Variants in LHFPL3 observed in about 807,000 individuals in gnomAD.
LHFPL3 encodes the protein LHFPL tetraspan subfamily member 3.
LHFPL3 carries 5 observed loss-of-function variants against 19.3 expected under a neutral mutation model. The observed-to-expected ratio is 0.26, with a 90% CI of 0.14 to 0.54. The LOEUF (loss-of-function observed/expected upper bound fraction) is 0.54, where lower values mean the gene tolerates loss of function less well. LHFPL3 is among the 20% of genes least tolerant of loss of function. The pLI, the probability that LHFPL3 is intolerant of heterozygous loss-of-function variation, is 0.94. For missense variants in LHFPL3, 249 were observed against 307.4 expected (o/e 0.81, Z 1.42); for synonymous variants, 133 against 126.2 (o/e 1.05, Z -0.36).
At chr7:104,840,907 G>T (rs1168833579) in intron 2 of LHFPL3, among the ~76,000 whole-genome samples, 1 of 151,578 alleles carries the variant, frequency 6.6e-6, no homozygotes, top group Non-Finnish European at 1.5e-5. Flanking sequence ...CATAAAGGTT[G>T]TCTTTTTTTT....
At chr7:104,473,093 C>CTGT (rs1403421166) in intron 1 of LHFPL3, among the ~76,000 whole-genome samples, 1 of 152,168 alleles carries the variant, frequency 6.6e-6, no homozygotes, top group African/African-American at 2.4e-5. Flanking sequence ...AAATGGAGAA[C>CTGT]TGTTTTCAAA....
chr7:104,568,702 T>C (rs1790169732), intron 1 of LHFPL3, among the ~76,000 whole-genome samples: 1 of 152,190 alleles, frequency 6.6e-6, no homozygotes, highest in South Asian at 2.1e-4. Flanking sequence ...CTGTCAGCTC[T>C]CCTTTCCAGT....
Position 104,856,666 on chromosome 7 carries a change from T to C in LHFPL3, c.683-49521T>C, listed in dbSNP as rs752115092. 4.7e-4 allele frequency among the ~76,000 whole-genome samples: 71 copies of C among 152,368 alleles called. 1 individual carries two copies. Among genetic ancestry groups the C allele is most frequent in the Non-Finnish European group, 9.0e-4 (61 of 68,042 alleles). On this transcript the variant is annotated intron_variant, in intron 2 of 2. Coordinates refer to ENST00000424859, the MANE Select transcript of LHFPL3 (RefSeq NM_199000.3). ...ATTAAATCTAAGGATCCAAAAATTATATTGTACACGTGAGAATCTTTAAAT... is the reference window on the plus strand; with the variant it reads ...ATTAAATCTAAGGATCCAAAAATTACATTGTACACGTGAGAATCTTTAAAT...
chr7:104,628,420 GT>G (rs1791583968), intron 1 of LHFPL3, among the ~76,000 whole-genome samples: 1 of 152,118 alleles, frequency 6.6e-6, no homozygotes, highest in African/African-American at 2.4e-5. Context: ...GGCAAATAAA[GT>G]TGTAGAACTC....
chr7:104,513,991 A>G (rs1392426276), intron 1 of LHFPL3, among the ~76,000 whole-genome samples: 1 of 152,132 alleles, frequency 6.6e-6, no homozygotes, highest in East Asian at 1.9e-4. Flanking sequence ...GGCTGTAGTG[A>G]TGAGGTTAAG....
intron 1 of LHFPL3, among the ~76,000 whole-genome samples, chr7:104,417,887 T>C (rs10239029): frequency 1.2e-3 from 133 of 112,090 alleles, no homozygotes; most frequent in Non-Finnish European, 9.7e-4. Context: ...TCTTCTTCTT[T>C]TTTTTTTTTT....
rs572851060 is a variant in LHFPL3, at chr7:104,338,320, C to T, written c.445+9096C>T. Among the ~76,000 whole-genome samples the T allele has an allele frequency of 4.6e-5, 7 of 152,014 alleles. No individual in the cohort carries two copies. The East Asian group carries it at 1.4e-3, about 29-fold the overall frequency. ...GTCACCGTATTAGCCAGGATGGTCT[C>T]GATCTCCTGACCTCGTGATCTGCCC... On this transcript the variant is annotated intron_variant, in intron 1 of 2. Transcript: ENST00000424859.
At chr7:104,416,698 A>C (rs1791629446) in intron 1 of LHFPL3, among the ~76,000 whole-genome samples, 1 of 152,250 alleles carries the variant, frequency 6.6e-6, no homozygotes, top group Admixed American at 6.5e-5. Flanking sequence ...TATGTTCAAC[A>C]CAATAGGCTT....
intron 2 of LHFPL3, among the ~76,000 whole-genome samples, chr7:104,884,744 G>A (rs1185337330): frequency 6.6e-6 from 1 of 152,208 alleles, no homozygotes; most frequent in Non-Finnish European, 1.5e-5. Context: ...GGTGAAATGT[G>A]TGGGTTGAGT....
At chr7:104,494,492 C>T (rs980165548) in intron 1 of LHFPL3, among the ~76,000 whole-genome samples, 23 of 152,116 alleles carry the variant, frequency 1.5e-4, no homozygotes, top group African/African-American at 5.6e-4. Flanking sequence ...CACATGTTTA[C>T]ATCCTTTCCT....
intron 2 of LHFPL3, among the ~76,000 whole-genome samples, chr7:104,789,807 G>A (rs935277946): frequency 7.2e-5 from 11 of 152,138 alleles, no homozygotes; most frequent in South Asian, 4.1e-4. Flanking sequence ...GGTTGACTTA[G>A]ATGCCCTTCA....
At chr7:104,440,037 G>T (rs571295655) in intron 1 of LHFPL3, among the ~76,000 whole-genome samples, 1 of 140,470 alleles carries the variant, frequency 7.1e-6, no homozygotes, top group African/African-American at 2.8e-5. Flanking sequence ...ACAAAGCCTG[G>T]GGGGGGGGAG....
intron 2 of LHFPL3, among the ~76,000 whole-genome samples, chr7:104,830,475 G>T (rs61640057): frequency 0.42 from 64,379 of 151,504 alleles, 15,573 homozygotes; most frequent in Non-Finnish European, 0.55. Context: ...GGTCTAACAT[G>T]TAAGTCTTTA....
chr7:104,761,615 A>G (rs1286049651), intron 2 of LHFPL3, among the ~76,000 whole-genome samples: 1 of 152,178 alleles, frequency 6.6e-6, no homozygotes, highest in East Asian at 1.9e-4. Flanking sequence ...AAAAATAAAA[A>G]GTAGATTCCT....
chr7:104,627,914 T>G (rs964774745), intron 1 of LHFPL3, among the ~76,000 whole-genome samples: 1 of 152,206 alleles, frequency 6.6e-6, no homozygotes, highest in African/African-American at 2.4e-5. Flanking sequence ...TATTGAAAAA[T>G]CTAACATTCT....
chr7:104,889,967 A>G (rs1792213813), intron 2 of LHFPL3, among the ~76,000 whole-genome samples: 1 of 152,074 alleles, frequency 6.6e-6, no homozygotes, highest in African/African-American at 2.4e-5. Context: ...TTTCCTAGAG[A>G]TCTTTCCTTC....
At chr7:104,341,407 C>G (rs1789949940) in intron 1 of LHFPL3, among the ~76,000 whole-genome samples, 1 of 152,218 alleles carries the variant, frequency 6.6e-6, no homozygotes, top group Non-Finnish European at 1.5e-5. Flanking sequence ...TTTGCTATGA[C>G]TACATCTATG....
chr7:104,440,786 C>G (rs1478860528), intron 1 of LHFPL3, among the ~76,000 whole-genome samples: 1 of 152,140 alleles, frequency 6.6e-6, no homozygotes, highest in Non-Finnish European at 1.5e-5. Flanking sequence ...TTTGCATGTA[C>G]TAATATCTAA....
chr7:104,414,036 A>G (rs1791577455), intron 1 of LHFPL3, among the ~76,000 whole-genome samples: 1 of 152,046 alleles, frequency 6.6e-6, no homozygotes, highest in Admixed American at 6.6e-5. Flanking sequence ...CAGAGTGAAT[A>G]TTTAATGTTA....
Sources: gnomAD v4.1 joint callset for allele counts (sites outside exome capture counted in the v4.1 genomes callset) on GRCh38, gnomAD v4.1.1 for gene constraint, MANE v1.5 for transcripts, NCBI Gene and HGNC (gene_info 2026-07-23, HGNC 2026-07-21) for gene names.